EFNA5: variants seen among roughly 807,000 people sequenced by gnomAD.
The protein encoded by EFNA5 is ephrin-A5.
EFNA5 carries 5 observed loss-of-function variants against 22.9 expected under a neutral mutation model. That is an observed-to-expected ratio of 0.22 (90% CI 0.11 to 0.46). The LOEUF (loss-of-function observed/expected upper bound fraction) is 0.46. Among genes scored for constraint, EFNA5 ranks in the 20% least tolerant of loss-of-function variants. The probability of loss-of-function intolerance (pLI) is 0.99; values close to 1 mark genes in which losing one functional copy is unlikely to be tolerated. For missense variants in EFNA5, 237 were observed against 293.3 expected (o/e 0.81, Z 1.40); for synonymous variants, 113 against 112.2 (o/e 1.01, Z -0.04).
At chr5:107,645,480 A>T (rs923912125) in intron 1 of EFNA5, among the ~76,000 whole-genome samples, 1 of 152,252 alleles carries the variant, frequency 6.6e-6, no homozygotes, top group Non-Finnish European at 1.5e-5. Flanking sequence ...CTTGGTATGT[A>T]TAAGAGTGTT....
At chr5:107,660,287 T>TATATATATATATATAA (rs1750923085) in intron 1 of EFNA5, among the ~76,000 whole-genome samples, 24 of 110,440 alleles carry the variant, frequency 2.2e-4, no homozygotes, top group South Asian at 8.5e-4. Context: ...TATATATATA[T>TATATATATATATATAA]ATATATATAT....
chr5:107,592,787 T>A (rs1390053977), intron 1 of EFNA5, among the ~76,000 whole-genome samples: 1 of 151,966 alleles, frequency 6.6e-6, no homozygotes, highest in Non-Finnish European at 1.5e-5. Flanking sequence ...TGAAGTGAAA[T>A]CTGTGACTGG....
intron 1 of EFNA5, among the ~76,000 whole-genome samples, chr5:107,470,617 A>G (rs1214277402): frequency 6.6e-6 from 1 of 152,210 alleles, no homozygotes; most frequent in Admixed American, 6.5e-5. Context: ...TCTAAATTCT[A>G]TATCAATTCT....
At position 107,443,114 on chromosome 5, in the gene EFNA5, T is replaced by C. The variant is rs557016682; in HGVS notation, c.126-15605A>G. ...TACCATTATGAAACCATTAGGGGCA[T>C]TGCTTATTGGCCTATATTAAATCGA... On this transcript the variant is annotated intron_variant, in intron 1 of 4. Coordinates refer to ENST00000333274, the MANE Select transcript of EFNA5 (RefSeq NM_001962.3). Among the ~76,000 whole-genome samples the C allele has an allele frequency of 3.3e-5, 5 of 152,276 alleles. No individual in the cohort carries two copies. In the South Asian group the frequency reaches 1.0e-3, roughly 32 times the overall value.
intron 2 of EFNA5, among the ~76,000 whole-genome samples, chr5:107,411,934 T>C (rs994586089): frequency 6.6e-5 from 10 of 152,232 alleles, no homozygotes; most frequent in African/African-American, 2.4e-4. Flanking sequence ...CCTTAATGAA[T>C]ATAATACTCA....
chr5:107,427,603 A>C, intron 1 of EFNA5, 94 bp from the exon 2 acceptor site: 1 of 1,184,680 alleles, frequency 8.4e-7, no homozygotes, highest in Admixed American at 2.5e-5. Flanking sequence ...TTTGGAGCTA[A>C]AGCATCTAGT....
chr5:107,478,498 C>T (rs1750370749), intron 1 of EFNA5, among the ~76,000 whole-genome samples: 1 of 152,150 alleles, frequency 6.6e-6, no homozygotes, highest in South Asian at 2.1e-4. Context: ...CACAGTGCAG[C>T]ATAATGGATG....
chr5:107,601,421 C>CTT (rs201606564), intron 1 of EFNA5, among the ~76,000 whole-genome samples: 1 of 100,738 alleles, frequency 9.9e-6, no homozygotes, highest in Non-Finnish European at 1.9e-5. Flanking sequence ...GCTGCACCAT[C>CTT]TTCAGGACTG....
At chr5:107,394,722 C>A (rs1747876361) in intron 2 of EFNA5, among the ~76,000 whole-genome samples, 1 of 152,160 alleles carries the variant, frequency 6.6e-6, no homozygotes, top group Admixed American at 6.5e-5. Context: ...TAAATTCCAG[C>A]AGGTAAGTCT....
At chr5:107,417,850 G>A (rs1196112253) in intron 2 of EFNA5, among the ~76,000 whole-genome samples, 1 of 152,152 alleles carries the variant, frequency 6.6e-6, no homozygotes, top group Non-Finnish European at 1.5e-5. Flanking sequence ...AAGGCTGTAT[G>A]ACAACTTTCA....
intron 1 of EFNA5, among the ~76,000 whole-genome samples, chr5:107,496,811 TTTGGCTTCTCCTC>T (rs1253160163): frequency 1.3e-5 from 2 of 152,218 alleles, no homozygotes; most frequent in Non-Finnish European, 2.9e-5. Flanking sequence ...TAGCAGGGCT[TTTGGCTTCTCCTC>T]CTTCAGACTA....
At chr5:107,501,577 T>C (rs1009232514) in intron 1 of EFNA5, among the ~76,000 whole-genome samples, 3 of 152,256 alleles carry the variant, frequency 2.0e-5, no homozygotes, top group South Asian at 2.1e-4. Context: ...TTTTAATTCT[T>C]TAAAAAATAT....
At chr5:107,458,838 C>T (rs1447732035) in intron 1 of EFNA5, among the ~76,000 whole-genome samples, 1 of 152,058 alleles carries the variant, frequency 6.6e-6, no homozygotes, top group Non-Finnish European at 1.5e-5. Context: ...ATCCATTGTA[C>T]ATCAGGGGAA....
intron 1 of EFNA5, among the ~76,000 whole-genome samples, chr5:107,620,669 A>G (rs1335370590): frequency 1.3e-5 from 2 of 152,224 alleles, no homozygotes; most frequent in Non-Finnish European, 2.9e-5. Context: ...TTTAGTGAAT[A>G]TTTCTTAAGT....
intron 1 of EFNA5, among the ~76,000 whole-genome samples, chr5:107,532,004 T>C (rs952758904): frequency 6.6e-6 from 1 of 152,166 alleles, no homozygotes; most frequent in Non-Finnish European, 1.5e-5. Flanking sequence ...TTCTGAATAA[T>C]GTAAGACCTC....
At chr5:107,429,346 T>TGA (rs1000511913) in intron 1 of EFNA5, among the ~76,000 whole-genome samples, 12 of 152,196 alleles carry the variant, frequency 7.9e-5, no homozygotes, top group Admixed American at 7.2e-4. Flanking sequence ...CTCGGAAGGC[T>TGA]GAGGCACAAG....
intron 1 of EFNA5, among the ~76,000 whole-genome samples, chr5:107,476,057 T>TATATATATATATATATATATATATGTATA: frequency 1.0e-5 from 1 of 100,434 alleles, no homozygotes; most frequent in Non-Finnish European, 1.9e-5. Flanking sequence ...TATATATATA[T>TATATATATATATATATATATATATGTATA]TTTTTTTTTT....
intron 1 of EFNA5, among the ~76,000 whole-genome samples, chr5:107,463,198 C>G (rs1749881047): frequency 6.6e-6 from 1 of 152,024 alleles, no homozygotes; most frequent in Admixed American, 6.6e-5. Context: ...TCAGTTTGAT[C>G]ATTTTTCCAG....
chr5:107,476,965 A>G (rs963975753), intron 1 of EFNA5, among the ~76,000 whole-genome samples: 3 of 152,152 alleles, frequency 2.0e-5, no homozygotes, highest in African/African-American at 7.2e-5. Flanking sequence ...ATAATGAAAA[A>G]CTATTTCAAG....
Sources: gnomAD v4.1 joint callset for allele counts (sites outside exome capture counted in the v4.1 genomes callset) on GRCh38, gnomAD v4.1.1 for gene constraint, MANE v1.5 for transcripts, NCBI Gene and HGNC (gene_info 2026-07-23, HGNC 2026-07-21) for gene names.